The following OGDHL variants were observed in gnomAD, a reference collection of about 807,000 sequenced individuals.
OGDHL encodes the protein oxoglutarate dehydrogenase L.
In OGDHL, 79 loss-of-function variants were observed where a neutral mutation model predicts 109.6. That is an observed-to-expected ratio of 0.72 (90% CI 0.60 to 0.87). The LOEUF is 0.87. Ranked by LOEUF, OGDHL falls within the 40% of genes least tolerant of loss-of-function variation. The pLI, the probability that OGDHL is intolerant of heterozygous loss-of-function variation, is 0.00. For synonymous variants in OGDHL, 528 were observed against 537.2 expected (o/e 0.98, Z 0.24); for missense variants, 1,275 against 1,362.2 (o/e 0.94, Z 1.01).
Position 49,745,786 on chromosome 10 carries a change from C to A in OGDHL, c.1476+12G>T. ...CACCCACCCATGCCTTGGCCTCAGT[C>A]CCCAGACCCACCAGGTCCACGACAA... On this transcript the variant is annotated intron_variant, in intron 11 of 22. Transcript: ENST00000374103. The A allele has an allele frequency of 6.2e-7, 1 of 1,612,906 alleles. No individual in the cohort carries two copies. The highest frequency in any genetic ancestry group is 8.5e-7 in the Non-Finnish European group (1 of 1,179,152).
intron 15 of OGDHL, 150 bp from the exon 16 acceptor site, chr10:49,740,987 G>T: frequency 1.9e-6 from 2 of 1,034,764 alleles, no homozygotes; most frequent in Non-Finnish European, 2.8e-6. Flanking sequence ...ATCCAAGAAG[G>T]CTGTGGAAAA....
Position 49,750,832 on chromosome 10 carries a change from G to A in OGDHL, c.896+7C>T. ...ATGCGCAAGGCACAGCAGGGAGGGG[G>A]ACCCACCTGTGTGGCATCCCCAAGA... On this transcript the variant is annotated splice_region_variant and intron_variant, in intron 7 of 22. Coordinates refer to ENST00000374103, the MANE Select transcript of OGDHL (RefSeq NM_018245.3). 1.2e-6 allele frequency: 2 copies of A among 1,606,630 alleles called. No individual in the cohort carries two copies. Among genetic ancestry groups the A allele is most frequent in the Middle Eastern group, 1.7e-4 (1 of 5,910 alleles).
At chr10:49,747,234 G>A (rs998870754) in intron 8 of OGDHL, 26 bp from the exon 9 acceptor site, 7 of 1,608,424 alleles carry the variant, frequency 4.4e-6, no homozygotes, top group Middle Eastern at 3.3e-4. Flanking sequence ...GGAACATGAT[G>A]GATCCTCCCC....
intron 4 of OGDHL, 68 bp downstream of exon 4, chr10:49,752,570 G>C: frequency 1.5e-6 from 2 of 1,313,480 alleles, no homozygotes; most frequent in Non-Finnish European, 2.2e-6. Flanking sequence ...GCTGTCCCTA[G>C]TGCCCGTGGG....
rs878898484 is a variant in OGDHL at position 49,754,252 on chromosome 10, G to A, written c.376-1512C>T. Among the ~76,000 whole-genome samples the A allele has an allele frequency of 4.6e-5, 7 of 152,302 alleles. No individual in the cohort carries two copies. The South Asian group carries it at 6.2e-4, about 14-fold the overall frequency. On this transcript the variant is annotated intron_variant, in intron 3 of 22. Coordinates refer to ENST00000374103, the MANE Select transcript of OGDHL (RefSeq NM_018245.3). The stretch of plus-strand genomic sequence containing the variant: ...CATCAAGGCAGTGTTCAAACACCAC[G>A]AGTGCTGGGAATAAGGACAAGTTTT...
At chr10:49,752,100 T>C in intron 5 of OGDHL, 33 bp downstream of exon 5, 1 of 1,610,384 alleles carries the variant, frequency 6.2e-7, no homozygotes, top group Non-Finnish European at 8.5e-7. Flanking sequence ...AAGAGCTGCT[T>C]CAGCTGCACC....
In OGDHL at chr10:49,736,157, G is replaced by A. The variant is rs543134756; in HGVS notation, c.2775C>T (p.Asp925=). ...ACTTCTCTGCCTCCTGCTTGATCAG[G>A]TCGAAGGGGAATGGAGAGATCTGGG... ...RLEQISPFPF[D]LIKQEAEKYP... The change falls in exon 22 of 23, where the codon GAC becomes GAT. Residue 925 remains aspartate (D), a synonymous_variant. Transcript: ENST00000374103. 5.0e-6 allele frequency: 8 copies of A among 1,601,668 alleles called. No individual in the cohort carries two copies. The African/African-American group carries it at 1.1e-4, about 21-fold the overall frequency.
intron 15 of OGDHL, among the ~76,000 whole-genome samples, chr10:49,741,226 C>G (rs188597020): frequency 1.3e-5 from 2 of 152,094 alleles, no homozygotes; most frequent in Non-Finnish European, 2.9e-5. Flanking sequence ...TCCCCTGCCC[C>G]GTCTTGCTGG....
intron 17 of OGDHL, 46 bp downstream of exon 17, chr10:49,739,615 G>A (rs1438944973): frequency 6.3e-7 from 1 of 1,590,670 alleles, no homozygotes; most frequent in African/African-American, 1.3e-5. Context: ...CCCCTTCAAG[G>A]CCCGCCAGAA....
Position 49,747,298 on chromosome 10 carries a change from T to G in OGDHL, c.988-90A>C, listed in dbSNP as rs372176754. On this transcript the variant is annotated intron_variant, in intron 8 of 22. Coordinates refer to ENST00000374103, the MANE Select transcript of OGDHL (RefSeq NM_018245.3). ...CAGGCACTGCAGCCCACAGTCAGGCTGGCACATTCCCCCGATCCCACTGCC... is the reference window on the plus strand; with the variant it reads ...CAGGCACTGCAGCCCACAGTCAGGCGGGCACATTCCCCCGATCCCACTGCC... The G allele has an allele frequency of 1.3e-4, 183 of 1,422,286 alleles. 1 individual carries two copies. In the East Asian group the frequency reaches 3.7e-3, roughly 29 times the overall value. The allele number at this position is 1,422,286 out of a possible 1,614,324, so 88.1% of individuals were successfully genotyped here. A position where few individuals can be genotyped will look rare whatever the true frequency, so the allele number is the denominator to read the frequency against.
chr10:49,736,097 C>A lies in OGDHL; in HGVS notation c.2835G>T (p.Glu945Asp). ...PGAELAWCQEEHKNMGYYDYI... is the reference protein window; with the variant it reads ...PGAELAWCQEDHKNMGYYDYI... Reference sequence around the variant, plus strand: ...AGTCATAGTAGCCCATGTTCTTGTGCTCCTCCTGACACCAGGCCAGCTCCG... The same window carrying A: ...AGTCATAGTAGCCCATGTTCTTGTGATCCTCCTGACACCAGGCCAGCTCCG... Residue 945 changes from glutamate to aspartate, a missense_variant, in exon 22 of 23, where the codon GAG becomes GAT. Physicochemically the swap from Glu to Asp is conservative, Grantham distance 45. Transcript: ENST00000374103. 6.2e-7 allele frequency: 1 copy of A among 1,612,490 alleles called. No homozygotes were observed.
rs747013343 is a variant in OGDHL at position 49,752,126 on chromosome 10, T to A, written c.594+7A>T. The A allele has an allele frequency of 1.9e-6, 3 of 1,612,178 alleles. No individual in the cohort carries two copies. The highest frequency in any genetic ancestry group is 2.5e-6 in the Non-Finnish European group (3 of 1,178,276). On this transcript the variant is annotated splice_region_variant and intron_variant, in intron 5 of 22. Transcript: ENST00000374103. ...CAGCTGCACCCCACACACCCGCCTG[T>A]GCTCACCTCCAGGCGCCGAATGATC...
chr10:49,735,469 A>G, intron 22 of OGDHL, 118 bp from the exon 23 acceptor site: 1 of 1,254,020 alleles, frequency 8.0e-7, no homozygotes, highest in Non-Finnish European at 1.1e-6. Context: ...GAAGCCATAG[A>G]CCCTGCCTTT....
At chr10:49,745,602 C>G (rs1842122492) in intron 11 of OGDHL, 106 bp from the exon 12 acceptor site, 1 of 1,440,008 alleles carries the variant, frequency 6.9e-7, no homozygotes, top group Non-Finnish European at 9.5e-7. Flanking sequence ...ACTGGGAGCC[C>G]TTTGAGCTCC....
chr10:49,751,718 A>T (rs1842602325), intron 6 of OGDHL, 109 bp downstream of exon 6: 2 of 1,393,666 alleles, frequency 1.4e-6, no homozygotes, highest in Non-Finnish European at 2.0e-6. Context: ...AGGCCGATCC[A>T]GTCCTGCCTT....
chr10:49,760,876 G>A (rs1439204009), intron 1 of OGDHL, among the ~76,000 whole-genome samples: 1 of 152,250 alleles, frequency 6.6e-6, no homozygotes, highest in African/African-American at 2.4e-5. Context: ...CCCTCTGCCA[G>A]CGCCACTCCC....
chr10:49,756,651 G>A, intron 3 of OGDHL, 125 bp downstream of exon 3: 1 of 961,848 alleles, frequency 1.0e-6, no homozygotes. Context: ...GTGCCGCTCA[G>A]TAGAGGACAA....
intron 8 of OGDHL, among the ~76,000 whole-genome samples, chr10:49,747,522 A>G (rs1753236146): frequency 2.6e-5 from 4 of 152,226 alleles, no homozygotes; most frequent in Admixed American, 2.6e-4. Context: ...CCTAGGCATC[A>G]GCGCAGAGAC....
rs769418313 is a variant in OGDHL, at chr10:49,747,192, T to G, written c.1004A>C (p.Lys335Thr). ...CTCATGGTACATGCCCAGGTGGTAC[T>G]TGACATCCCCGGAGCCCTGAAGGTG... is the stretch of plus-strand genomic sequence containing the variant. ...EAADEGSGDV[K>T]YHLGMYHERI... The change falls in exon 9 of 23, where the codon AAG becomes ACG. Residue 335 changes from lysine to threonine, a missense_variant. Physicochemically the swap from Lys to Thr is moderately conservative, Grantham distance 78 (BLOSUM62 -1). Transcript: ENST00000374103. 6.2e-7 allele frequency: 1 copy of G among 1,614,122 alleles called. No homozygotes were observed. Among genetic ancestry groups the G allele is most frequent in the Non-Finnish European group, 8.5e-7 (1 of 1,179,976 alleles).
Sources: gnomAD v4.1 joint callset for allele counts (sites outside exome capture counted in the v4.1 genomes callset) on GRCh38, gnomAD v4.1.1 for gene constraint, MANE v1.5 for transcripts, NCBI Gene and HGNC (gene_info 2026-07-23, HGNC 2026-07-21) for gene names.